The following DISC1 variants were observed in gnomAD, a reference collection of about 807,000 sequenced individuals.
The protein encoded by DISC1 is disrupted in schizophrenia 1 protein.
A neutral mutation model predicts 84.5 loss-of-function variants in DISC1; 57 were observed. That is an observed-to-expected ratio of 0.67 (90% CI 0.55 to 0.84). DISC1 has a LOEUF of 0.84. DISC1 is among the 40% of genes least tolerant of loss of function. DISC1 has a pLI of 0.00. For missense variants in DISC1, 1,000 were observed against 1,057.8 expected (o/e 0.95, Z 0.76); for synonymous variants, 411 against 415.2 (o/e 0.99, Z 0.12).
chr1:231,993,971 A>C (rs1665572526), intron 10 of DISC1, among the ~76,000 whole-genome samples: 1 of 152,222 alleles, frequency 6.6e-6, no homozygotes, highest in African/African-American at 2.4e-5. Context: ...GTTGGAAAGC[A>C]CTTTAAAATC....
chr1:231,642,516 G>C (rs778779529), intron 1 of DISC1, among the ~76,000 whole-genome samples: 6 of 152,234 alleles, frequency 3.9e-5, no homozygotes, highest in Non-Finnish European at 7.3e-5. Flanking sequence ...CAGTGTGGAT[G>C]ATTGATACCA....
At chr1:231,917,131 A>C (rs576192608) in intron 9 of DISC1, among the ~76,000 whole-genome samples, 144 of 152,322 alleles carry the variant, frequency 9.5e-4, no homozygotes, top group Non-Finnish European at 1.7e-3. Flanking sequence ...ACCATTAAAA[A>C]CAAAATTTTA....
chr1:231,956,173 C>G (rs1659464862), intron 9 of DISC1, among the ~76,000 whole-genome samples: 1 of 152,194 alleles, frequency 6.6e-6, no homozygotes, highest in African/African-American at 2.4e-5. Context: ...CAGTTTATCA[C>G]CATTAGATCA....
intron 6 of DISC1, among the ~76,000 whole-genome samples, chr1:231,786,756 C>T (rs1480443004): frequency 6.6e-6 from 1 of 151,966 alleles, no homozygotes; most frequent in African/African-American, 2.4e-5. Flanking sequence ...AGCCTGTATG[C>T]CCAGGTAATA....
chr1:231,988,303 A>G (rs1664737211), intron 10 of DISC1, among the ~76,000 whole-genome samples: 1 of 152,244 alleles, frequency 6.6e-6, no homozygotes, highest in South Asian at 2.1e-4. Context: ...TCCCCAACCT[A>G]CAAATCAGCA....
At chr1:231,750,699 G>C in intron 4 of DISC1, 14 of 575,314 alleles carry the variant, frequency 2.4e-5, no homozygotes, top group Non-Finnish European at 2.9e-5. Flanking sequence ...GGCAAGGGTG[G>C]CTCCCAGATA....
rs1438631258 is a variant in DISC1 at position 231,954,749 on chromosome 1, T to C, written c.1982-4079T>C. On this transcript the variant is annotated intron_variant, in intron 9 of 12. Transcript: ENST00000439617. This position sits in a 1 kb window ranked among gnomAD's most constrained non-coding sequence, Gnocchi z 4.8. ...AGGTGAGCTCTATTCTCCGTCAGCG[T>C]GTCTGTGGCTGTATTGATTCGGAAG... Among the ~76,000 whole-genome samples, 3 of 152,212 alleles carry C rather than the reference T, an allele frequency of 2.0e-5. No individual in the cohort carries two copies. Among genetic ancestry groups the C allele is most frequent in the Admixed American group, 2.0e-4 (3 of 15,292 alleles).
At chr1:231,640,456 G>A (rs1422619310) in intron 1 of DISC1, among the ~76,000 whole-genome samples, 1 of 150,530 alleles carries the variant, frequency 6.6e-6, no homozygotes, top group Non-Finnish European at 1.5e-5. Flanking sequence ...AAGCAACACA[G>A]CAGTATGCTC....
rs573250323 is a variant in DISC1 at position 232,025,798 on chromosome 1, G to A, written c.2308-637G>A. Reference sequence around the variant, plus strand: ...TTCTTAGTAAAGACAGGGTTTCACCGTGTTAGCCAGGATGGTCTTGATCTC... The same window carrying A: ...TTCTTAGTAAAGACAGGGTTTCACCATGTTAGCCAGGATGGTCTTGATCTC... On this transcript the variant is annotated intron_variant, in intron 11 of 12. Transcript: ENST00000439617. 1.8e-4 allele frequency among the ~76,000 whole-genome samples: 27 copies of A among 152,130 alleles called. 2 individuals are homozygous for A. The South Asian group carries it at 4.8e-3, about 27-fold the overall frequency.
chr1:231,968,587 G>A (rs1300825274), intron 10 of DISC1, among the ~76,000 whole-genome samples: 8 of 112,228 alleles, frequency 7.1e-5, no homozygotes, highest in Non-Finnish European at 1.0e-4. Flanking sequence ...GCGAGACTCC[G>A]TCTCAAAAAA....
chr1:231,783,588 A>G (rs2077594389), intron 6 of DISC1, among the ~76,000 whole-genome samples: 1 of 152,226 alleles, frequency 6.6e-6, no homozygotes. Context: ...TAAGCCAAAT[A>G]CCAAGTTCAT....
intron 10 of DISC1, among the ~76,000 whole-genome samples, chr1:232,000,939 C>A (rs1666603473): frequency 6.6e-6 from 1 of 152,116 alleles, no homozygotes; most frequent in Admixed American, 6.5e-5. Flanking sequence ...AGATGAAATT[C>A]TCTGGGAGGT....
chr1:231,978,048 G>A (rs753885854), intron 10 of DISC1, among the ~76,000 whole-genome samples: 1 of 151,862 alleles, frequency 6.6e-6, no homozygotes, highest in Non-Finnish European at 1.5e-5. Context: ...TTTGGCAAAT[G>A]TGTTCCTGTG....
intron 11 of DISC1, among the ~76,000 whole-genome samples, chr1:232,023,046 T>C (rs966378327): frequency 1.1e-5 from 1 of 89,382 alleles, no homozygotes; most frequent in African/African-American, 3.4e-5. Context: ...TAAAAAAAAT[T>C]TCAGGTAAAT....
At chr1:231,682,511 G>A (rs1408083675) in intron 1 of DISC1, among the ~76,000 whole-genome samples, 1 of 152,118 alleles carries the variant, frequency 6.6e-6, no homozygotes, top group African/African-American at 2.4e-5. Context: ...AATCCTAGGG[G>A]TGGAGTCCCA....
At chr1:231,652,941 G>T (rs1041491936) in intron 1 of DISC1, among the ~76,000 whole-genome samples, 2 of 152,014 alleles carry the variant, frequency 1.3e-5, no homozygotes, top group African/African-American at 4.8e-5. Context: ...CACCACACCT[G>T]GCTAATTTTT....
chr1:231,967,202 C>T (rs1661241231), intron 10 of DISC1, among the ~76,000 whole-genome samples: 1 of 152,200 alleles, frequency 6.6e-6, no homozygotes, highest in Non-Finnish European at 1.5e-5. Context: ...ACCTGAAAGA[C>T]CAAGGTCTGT....
intron 9 of DISC1, among the ~76,000 whole-genome samples, chr1:231,950,087 G>A (rs982565317): frequency 2.0e-4 from 30 of 152,282 alleles, no homozygotes; most frequent in African/African-American, 7.0e-4. Context: ...AGAAGATCAA[G>A]TGTGGATTGG....
intron 3 of DISC1, among the ~76,000 whole-genome samples, chr1:231,748,375 G>A (rs1186865947): frequency 6.6e-6 from 1 of 152,180 alleles, no homozygotes; most frequent in Non-Finnish European, 1.5e-5. Context: ...CTGTGTGTTT[G>A]TCAGATATGC....
Sources: allele counts gnomAD v4.1 joint callset (sites outside exome capture counted in the v4.1 genomes callset), GRCh38; gene constraint gnomAD v4.1.1; non-coding constraint Gnocchi (gnomAD v3.1); transcripts MANE v1.5; gene names NCBI Gene and HGNC (gene_info 2026-07-23, HGNC 2026-07-21).